The following ZNF385B variants were observed in gnomAD, a reference collection of about 807,000 sequenced individuals.
ZNF385B encodes zinc finger protein 385B.
Under a neutral mutation model 39.2 loss-of-function variants are expected in ZNF385B, and 23 were observed. The ratio of observed to expected loss-of-function variants is 0.59; its 90% confidence interval spans 0.42 to 0.83. ZNF385B has a LOEUF of 0.83. Ranked by LOEUF, ZNF385B falls within the 40% of genes least tolerant of loss-of-function variation. The pLI, the probability that ZNF385B is intolerant of heterozygous loss-of-function variation, is 0.00. For synonymous variants in ZNF385B, 205 were observed against 222.6 expected, an observed-to-expected ratio of 0.92 and a Z score of 0.70; for missense variants, 552 against 598.9, an observed-to-expected ratio of 0.92 and a Z score of 0.82.
chr2:179,572,287 G>A (rs1462687375), intron 3 of ZNF385B, among the ~76,000 whole-genome samples: 1 of 152,110 alleles, frequency 6.6e-6, no homozygotes, highest in Non-Finnish European at 1.5e-5. Flanking sequence ...TGTACTAGGT[G>A]TTAAGTATAT....
At chr2:179,837,196 C>T (rs1287700193) in intron 1 of ZNF385B, among the ~76,000 whole-genome samples, 1 of 152,138 alleles carries the variant, frequency 6.6e-6, no homozygotes, top group Non-Finnish European at 1.5e-5. Flanking sequence ...TTTCAAGCTG[C>T]CAATTTGCTA....
chr2:179,494,611 G>A (rs2055954881), intron 5 of ZNF385B, among the ~76,000 whole-genome samples: 1 of 150,490 alleles, frequency 6.6e-6, no homozygotes, highest in Admixed American at 6.6e-5. Flanking sequence ...AATTTAAATT[G>A]TATTTTTAAA....
chr2:179,623,704 G>C (rs922328010), intron 3 of ZNF385B, among the ~76,000 whole-genome samples: 1 of 152,090 alleles, frequency 6.6e-6, no homozygotes, highest in African/African-American at 2.4e-5. Context: ...TCCAGGCTCT[G>C]GTTCTACTTC....
chr2:179,795,909 C>A (rs1705633861), intron 1 of ZNF385B, among the ~76,000 whole-genome samples: 1 of 152,076 alleles, frequency 6.6e-6, no homozygotes, highest in African/African-American at 2.4e-5. Flanking sequence ...AGAAGTATCT[C>A]CAGTCATAAA....
chr2:179,860,016 G>A (rs747528337), intron 1 of ZNF385B, among the ~76,000 whole-genome samples: 5 of 152,282 alleles, frequency 3.3e-5, no homozygotes, highest in Admixed American at 6.5e-5. Context: ...ACCGTTTCAT[G>A]AATTGTGTGG....
At chr2:179,507,874 A>T (rs1273349029) in intron 5 of ZNF385B, among the ~76,000 whole-genome samples, 2 of 152,146 alleles carry the variant, frequency 1.3e-5, no homozygotes, top group Non-Finnish European at 2.9e-5. Context: ...CAAGCCACAC[A>T]TCATAAAGTT....
At chr2:179,491,881 T>G (rs2055269960) in intron 5 of ZNF385B, among the ~76,000 whole-genome samples, 1 of 151,812 alleles carries the variant, frequency 6.6e-6, no homozygotes, top group African/African-American at 2.4e-5. Context: ...AAAAATTTTT[T>G]GGAGAGGTGA....
Position 179,535,559 on chromosome 2 carries a change from A to G in ZNF385B, c.441+9268T>C, listed in dbSNP as rs534458322. Among the ~76,000 whole-genome samples the G allele has an allele frequency of 3.6e-4, 55 of 152,312 alleles. No homozygotes were observed. The Middle Eastern group carries it at 0.014, about 38-fold the overall frequency. On this transcript the variant is annotated intron_variant, in intron 4 of 9. Coordinates refer to ENST00000410066, the MANE Select transcript of ZNF385B (RefSeq NM_152520.6). Reference sequence around the variant, plus strand: ...TGCAAAAAGGGCACAACAATGACACATGTAATCTATTTCATATGTGGGTAC... The same window carrying G: ...TGCAAAAAGGGCACAACAATGACACGTGTAATCTATTTCATATGTGGGTAC...
chr2:179,613,515 G>C (rs1178991824), intron 3 of ZNF385B, among the ~76,000 whole-genome samples: 1 of 152,106 alleles, frequency 6.6e-6, no homozygotes, highest in East Asian at 1.9e-4. Context: ...AAGGCAGTAG[G>C]TTCCCCTTCT....
intron 3 of ZNF385B, among the ~76,000 whole-genome samples, chr2:179,687,534 C>T (rs1164343961): frequency 6.6e-6 from 1 of 152,008 alleles, no homozygotes; most frequent in Non-Finnish European, 1.5e-5. Context: ...TAAAAATATC[C>T]CCCAACCCCA....
At chr2:179,756,047 G>T (rs1424996109) in intron 3 of ZNF385B, among the ~76,000 whole-genome samples, 1 of 152,074 alleles carries the variant, frequency 6.6e-6, no homozygotes, top group Admixed American at 6.6e-5. Context: ...TTACAATTTG[G>T]CATGTTTTTG....
intron 5 of ZNF385B, among the ~76,000 whole-genome samples, chr2:179,507,230 G>C (rs1410347547): frequency 1.3e-4 from 20 of 152,198 alleles, no homozygotes. Context: ...TGTCTTAAGT[G>C]ATCATCATTC....
chr2:179,526,860 C>T (rs2058938276), intron 4 of ZNF385B, among the ~76,000 whole-genome samples: 1 of 152,200 alleles, frequency 6.6e-6, no homozygotes, highest in South Asian at 2.1e-4. Flanking sequence ...GAGATGGTTT[C>T]TTCAAGAATC....
At chr2:179,504,155 C>T (rs989407772) in intron 5 of ZNF385B, among the ~76,000 whole-genome samples, 3 of 151,208 alleles carry the variant, frequency 2.0e-5, no homozygotes, top group African/African-American at 7.3e-5. Context: ...CGATAGTTTA[C>T]TGAGAATGAT....
intron 3 of ZNF385B, among the ~76,000 whole-genome samples, chr2:179,621,968 C>T (rs1047073892): frequency 6.6e-6 from 1 of 152,068 alleles, no homozygotes; most frequent in Non-Finnish European, 1.5e-5. Context: ...CAAAATTATA[C>T]AAGGGAGACA....
At chr2:179,820,020 TCAAA>T (rs933070559) in intron 1 of ZNF385B, among the ~76,000 whole-genome samples, 6 of 152,304 alleles carry the variant, frequency 3.9e-5, no homozygotes, top group African/African-American at 1.4e-4. Context: ...TCCAGACTTT[TCAAA>T]CACCCTTAGA....
chr2:179,574,969 C>T (rs1214555116), intron 3 of ZNF385B, among the ~76,000 whole-genome samples: 2 of 152,010 alleles, frequency 1.3e-5, no homozygotes, highest in African/African-American at 4.8e-5. Flanking sequence ...TAGAACTGCC[C>T]TTCTTTCGTT....
intron 4 of ZNF385B, 58 bp downstream of exon 4, chr2:179,544,769 C>A (rs80000888): frequency 0.044 from 70,947 of 1,604,282 alleles, 1,832 homozygotes; most frequent in South Asian, 0.088. Flanking sequence ...TGACTATTCA[C>A]AAATGTAATG....
chr2:179,496,974 G>A (rs548100601), intron 5 of ZNF385B, among the ~76,000 whole-genome samples: 1 of 152,276 alleles, frequency 6.6e-6, no homozygotes, highest in Non-Finnish European at 1.5e-5. Flanking sequence ...ACTTGAACCT[G>A]AGAGGCAGAG....
Sources: allele counts gnomAD v4.1 joint callset (sites outside exome capture counted in the v4.1 genomes callset), GRCh38; gene constraint gnomAD v4.1.1; transcripts MANE v1.5; gene names NCBI Gene and HGNC (gene_info 2026-07-23, HGNC 2026-07-21).